The following SFMBT2 variants were observed in gnomAD, a reference collection of about 807,000 sequenced individuals.
SFMBT2 encodes scm-like with four MBT domains protein 2.
Under a neutral mutation model 110.1 loss-of-function variants are expected in SFMBT2, and 38 were observed. The observed-to-expected ratio is 0.35, with a 90% CI of 0.27 to 0.45. The LOEUF is 0.45. Ranked by LOEUF, SFMBT2 falls within the 20% of genes least tolerant of loss-of-function variation. SFMBT2 has a pLI of 1.00. For synonymous variants in SFMBT2, 425 were observed against 425.4 expected (o/e 1.00, Z 0.01); for missense variants, 1,011 against 1,094.9 (o/e 0.92, Z 1.08).
intron 4 of SFMBT2, among the ~76,000 whole-genome samples, chr10:7,366,315 T>G (rs1402123340): frequency 1.3e-5 from 2 of 151,716 alleles, no homozygotes; most frequent in Non-Finnish European, 2.9e-5. Context: ...TAAATGCAAC[T>G]CTTAACTCCA....
intron 1 of SFMBT2, among the ~76,000 whole-genome samples, chr10:7,396,422 C>T (rs762721166): frequency 2.0e-5 from 3 of 152,186 alleles, no homozygotes; most frequent in Non-Finnish European, 4.4e-5. Flanking sequence ...TACATAAATG[C>T]CTACAGTTTC....
At chr10:7,199,472 A>G (rs1394091739) in intron 14 of SFMBT2, among the ~76,000 whole-genome samples, 1 of 152,228 alleles carries the variant, frequency 6.6e-6, no homozygotes, top group Non-Finnish European at 1.5e-5. Flanking sequence ...GACTTCAACT[A>G]GGAACCAGCA....
intron 2 of SFMBT2, among the ~76,000 whole-genome samples, chr10:7,373,470 G>T (rs1453275306): frequency 6.6e-6 from 1 of 152,192 alleles, no homozygotes; most frequent in South Asian, 2.1e-4. Flanking sequence ...TCCCAAGAAC[G>T]ATGATGGATG....
rs1208535770 is a variant in SFMBT2, at chr10:7,367,745, C to T, written c.340G>A (p.Asp114Asn). ...LLLRYCGYGE[D>N]RRADFWCDVV... ...TCACACCAGAAGTCGGCCCTGCGGTCCTCCCCGTAACCGCAGTAGCGCAGA... is the reference window on the plus strand; with the variant it reads ...TCACACCAGAAGTCGGCCCTGCGGTTCTCCCCGTAACCGCAGTAGCGCAGA... Residue 114 changes from aspartate to asparagine, a missense_variant, in exon 4 of 21, where the codon GAC (aspartate) becomes AAC (asparagine). Physicochemically the swap from Asp to Asn is conservative, Grantham distance 23. Coordinates refer to ENST00000397167, the MANE Select transcript of SFMBT2 (RefSeq NM_001387889.1). This position sits in a 1 kb window ranked among gnomAD's most constrained non-coding sequence, Gnocchi z 6.2. 5.0e-6 allele frequency: 8 copies of T among 1,614,002 alleles called. No individual in the cohort carries two copies. Among genetic ancestry groups the T allele is most frequent in the Non-Finnish European group, 6.8e-6 (8 of 1,180,042 alleles).
At chr10:7,327,647 C>T (rs1843433765) in intron 4 of SFMBT2, among the ~76,000 whole-genome samples, 1 of 151,124 alleles carries the variant, frequency 6.6e-6, no homozygotes, top group African/African-American at 2.4e-5. Flanking sequence ...TGCCACTGCA[C>T]TCCAGCCTGG....
At chr10:7,351,231 T>C (rs967075531) in intron 4 of SFMBT2, among the ~76,000 whole-genome samples, 6 of 152,260 alleles carry the variant, frequency 3.9e-5, no homozygotes, top group Non-Finnish European at 8.8e-5. Flanking sequence ...TGTGTGTTGT[T>C]GTTTTTTCAT....
chr10:7,314,847 G>A lies in SFMBT2; in HGVS notation c.437-28893C>T, dbSNP rs1011889635. The stretch of plus-strand genomic sequence containing the variant: ...CTTTTGAACTCAAGAGGCAGAGGTT[G>A]CAGTGAGCCGAGATCGTGTCACTGC... On this transcript the variant is annotated intron_variant, in intron 4 of 20. Transcript: ENST00000397167. Among the ~76,000 whole-genome samples, 6 of 151,806 alleles carry A rather than the reference G, an allele frequency of 4.0e-5. 1 individual carries two copies. The highest frequency in any genetic ancestry group is 3.3e-4 in the Admixed American group (5 of 15,224).
chr10:7,231,574 G>A (rs1041635625), intron 9 of SFMBT2, among the ~76,000 whole-genome samples: 1 of 152,166 alleles, frequency 6.6e-6, no homozygotes, highest in East Asian at 1.9e-4. Flanking sequence ...TTTCTTGGAC[G>A]TACATTCAGG....
chr10:7,379,616 G>A (rs948917989), intron 2 of SFMBT2, among the ~76,000 whole-genome samples: 2 of 152,122 alleles, frequency 1.3e-5, no homozygotes, highest in Non-Finnish European at 2.9e-5. Context: ...ATCCCAAGGC[G>A]AAAGGACAGA....
chr10:7,168,052 G>C (rs908549652), intron 20 of SFMBT2, among the ~76,000 whole-genome samples: 1 of 140,626 alleles, frequency 7.1e-6, no homozygotes, highest in African/African-American at 2.6e-5. Flanking sequence ...TGGGTTACAA[G>C]AGTAAAACTC....
rs1015139179 is a variant in SFMBT2, at chr10:7,205,918, A to G, written c.1341T>C (p.Thr447=). 6.2e-7 allele frequency: 1 copy of G among 1,613,896 alleles called. No homozygotes were observed. The highest frequency in any genetic ancestry group is 1.3e-5 in the African/African-American group (1 of 74,940). ...CATCAACAATGACCTCTGGAACAGG[A>G]GTCTGCAGCCCTGCATGGGAAGAAG... ...LMWLHLEGLQ[T]PVPEVIVDVE... The change falls in exon 12 of 21, where the codon ACT becomes ACC. Residue 447 remains threonine, a synonymous_variant. Coordinates refer to ENST00000397167, the MANE Select transcript of SFMBT2 (RefSeq NM_001387889.1).
intron 7 of SFMBT2, among the ~76,000 whole-genome samples, chr10:7,272,728 T>C (rs1278170062): frequency 6.6e-6 from 1 of 152,134 alleles, no homozygotes; most frequent in Non-Finnish European, 1.5e-5. Flanking sequence ...GAGGAAATAC[T>C]ACAGGACAAG....
intron 7 of SFMBT2, chr10:7,249,126 C>T (rs1840717143): frequency 3.2e-6 from 3 of 947,332 alleles, no homozygotes; most frequent in Non-Finnish European, 3.8e-6. Context: ...TAAGCTGGCA[C>T]ACAGCTCACC....
chr10:7,377,124 G>A (rs538637582), intron 2 of SFMBT2, among the ~76,000 whole-genome samples: 20 of 132,518 alleles, frequency 1.5e-4, no homozygotes, highest in South Asian at 7.3e-4. Flanking sequence ...AGCCGAGATC[G>A]CACCATTGCA....
At position 7,370,271 on chromosome 10, in the gene SFMBT2, C is replaced by T. The variant is rs1845025494; in HGVS notation, c.195+10G>A. On this transcript the variant is annotated intron_variant, in intron 3 of 20. Transcript: ENST00000397167. ...CTAGACACAGAGAAGACACAAGCTG[C>T]TTTACATACGTGTTTGAATGATGTG... 6.2e-7 allele frequency: 1 copy of T among 1,611,146 alleles called. No homozygotes were observed. Among genetic ancestry groups the T allele is most frequent in the Non-Finnish European group, 8.5e-7 (1 of 1,177,348 alleles).
intron 16 of SFMBT2, among the ~76,000 whole-genome samples, chr10:7,186,719 C>T (rs1838424400): frequency 6.6e-6 from 1 of 152,122 alleles, no homozygotes; most frequent in Non-Finnish European, 1.5e-5. Flanking sequence ...CTCTCTCCTC[C>T]CATTTGCACC....
At chr10:7,292,581 C>A (rs558819026) in intron 4 of SFMBT2, among the ~76,000 whole-genome samples, 82 of 152,292 alleles carry the variant, frequency 5.4e-4, no homozygotes, top group Middle Eastern at 3.4e-3. Context: ...AAAAATTACA[C>A]TTACACACAC....
At chr10:7,262,724 T>C (rs1316050976) in intron 7 of SFMBT2, among the ~76,000 whole-genome samples, 1 of 152,220 alleles carries the variant, frequency 6.6e-6, no homozygotes, top group East Asian at 1.9e-4. Context: ...GAACTCTGTA[T>C]AGATCTGGAT....
In SFMBT2 at chr10:7,243,712, G is replaced by GA. The variant is rs751749675; in HGVS notation, c.973-8dup. 5.8e-6 allele frequency: 5 copies of GA among 861,316 alleles called. No individual in the cohort carries two copies. The highest frequency in any genetic ancestry group is 1.3e-5 in the South Asian group (1 of 75,034). 53.4% of individuals were successfully genotyped at this position (861,316 alleles called of 1,614,324 possible). ...AAAAGTGATTGTTAAAAACCTAAAA[G>GA]AAAAAAAATGGGGGAGCCAAAGGTT... On this transcript the variant is annotated splice_region_variant and splice_polypyrimidine_tract_variant and intron_variant, in intron 8 of 20. Coordinates refer to ENST00000397167, the MANE Select transcript of SFMBT2 (RefSeq NM_001387889.1).
Sources: allele counts gnomAD v4.1 joint callset (sites outside exome capture counted in the v4.1 genomes callset), GRCh38; gene constraint gnomAD v4.1.1; non-coding constraint Gnocchi (gnomAD v3.1); transcripts MANE v1.5; gene names NCBI Gene and HGNC (gene_info 2026-07-23, HGNC 2026-07-21).